Variants in NAV3 observed in about 807,000 individuals in gnomAD.
NAV3 encodes pore membrane and/or filament interacting like protein 1.
In NAV3, 87 loss-of-function variants were observed where a neutral mutation model predicts 244.7. That is an observed-to-expected ratio of 0.36 (90% CI 0.30 to 0.42). The LOEUF is 0.42. Among genes scored for constraint, NAV3 ranks in the 20% least tolerant of loss-of-function variants. The pLI, the probability that NAV3 is intolerant of heterozygous loss-of-function variation, is 1.00. For synonymous variants in NAV3, 1,126 were observed against 1,042.2 expected, an observed-to-expected ratio of 1.08 and a Z score of -1.55; for missense variants, 2,663 against 2,893.3, an observed-to-expected ratio of 0.92 and a Z score of 1.83.
In NAV3 at chr12:78,063,564, T is replaced by C. The variant is rs868279229; in HGVS notation, c.2636+4449T>C. On this transcript the variant is annotated intron_variant, in intron 12 of 39. Coordinates refer to ENST00000397909, the MANE Select transcript of NAV3 (RefSeq NM_001024383.2). Reference sequence around the variant, plus strand: ...TGGGTAAAAATAAAACAAAACAGTATGGGTGAAAGTTCCTCAGTTTAATGG... The same window carrying C: ...TGGGTAAAAATAAAACAAAACAGTACGGGTGAAAGTTCCTCAGTTTAATGG... Among the ~76,000 whole-genome samples, 7 of 152,252 alleles carry C rather than the reference T, an allele frequency of 4.6e-5. No individual in the cohort carries two copies. In the Middle Eastern group the frequency reaches 0.014, roughly 296 times the overall value.
chr12:77,859,758 CAA>C (rs61516625), intron 1 of NAV3, among the ~76,000 whole-genome samples: 742 of 68,718 alleles, frequency 0.011, 5 homozygotes, highest in African/African-American at 0.033. Context: ...CTTTCAAATG[CAA>C]AAAAAAAAAA....
chr12:77,613,659 GTGTT>G (rs1332787176), intron 2 of NAV3, among the ~76,000 whole-genome samples: 2 of 152,110 alleles, frequency 1.3e-5, no homozygotes, highest in African/African-American at 4.8e-5. Flanking sequence ...ATTGTTCTCA[GTGTT>G]TGTGGGTGAG....
intron 2 of NAV3, among the ~76,000 whole-genome samples, chr12:77,662,169 C>T (rs147489464): frequency 1.3e-5 from 2 of 151,930 alleles, no homozygotes; most frequent in South Asian, 2.1e-4. Flanking sequence ...AGTCTTGAAT[C>T]GATTAAAATC....
At chr12:78,076,376 T>A (rs534592222) in intron 12 of NAV3, among the ~76,000 whole-genome samples, 2 of 152,266 alleles carry the variant, frequency 1.3e-5, no homozygotes, top group African/African-American at 4.8e-5. Context: ...TGTGCGCTAG[T>A]TGTGTGTCAA....
At chr12:77,797,008 C>T (rs1871440669) in intron 2 of NAV3, among the ~76,000 whole-genome samples, 1 of 152,016 alleles carries the variant, frequency 6.6e-6, no homozygotes, top group South Asian at 2.1e-4. Context: ...TGAGGTATGC[C>T]TATATCTGGA....
chr12:77,991,925 G>C (rs1453840376), intron 5 of NAV3, among the ~76,000 whole-genome samples: 2 of 152,024 alleles, frequency 1.3e-5, no homozygotes, highest in African/African-American at 4.8e-5. Context: ...CAGCTACTTG[G>C]GAGGCTGAGG....
chr12:78,103,150 T>C (rs576534699), intron 12 of NAV3, among the ~76,000 whole-genome samples: 2 of 152,324 alleles, frequency 1.3e-5, no homozygotes, highest in Admixed American at 1.3e-4. Context: ...TAAAATGCGA[T>C]GCTCTAACAA....
chr12:78,084,228 C>T (rs1429186696), intron 12 of NAV3, among the ~76,000 whole-genome samples: 1 of 152,178 alleles, frequency 6.6e-6, no homozygotes, highest in Non-Finnish European at 1.5e-5. Context: ...AGCATGTTTA[C>T]AGCTTCCCTG....
chr12:78,006,826 C>T lies in NAV3; in HGVS notation c.1288C>T (p.Leu430=), dbSNP rs2136572578. Residue 430 remains leucine, a synonymous_variant, in exon 8 of 40, where the codon CTG becomes TTG. Transcript: ENST00000397909. ...SGEMEGFNSG[L]NSGGSTNSSP... Reference sequence around the variant, plus strand: ...TGAAATGGAAGGTTTTAACAGTGGTCTGAATAGTGGTGGCTCAACAAATAG... The same window carrying T: ...TGAAATGGAAGGTTTTAACAGTGGTTTGAATAGTGGTGGCTCAACAAATAG... 1 of 1,614,118 alleles carries T rather than the reference C, an allele frequency of 6.2e-7. No individual in the cohort carries two copies. The highest frequency in any genetic ancestry group is 1.3e-5 in the African/African-American group (1 of 75,020).
intron 5 of NAV3, among the ~76,000 whole-genome samples, chr12:77,993,298 C>A (rs999744663): frequency 2.0e-5 from 3 of 152,136 alleles, no homozygotes; most frequent in African/African-American, 7.2e-5. Context: ...GTAAACAGTT[C>A]TCTTACTCTT....
intron 12 of NAV3, among the ~76,000 whole-genome samples, chr12:78,096,262 A>G (rs1262227806): frequency 6.6e-6 from 1 of 152,190 alleles, no homozygotes; most frequent in Non-Finnish European, 1.5e-5. Flanking sequence ...ATCATAACCT[A>G]TGCTACAAAC....
intron 9 of NAV3, among the ~76,000 whole-genome samples, chr12:78,043,857 A>G (rs1048691693): frequency 2.6e-5 from 4 of 152,184 alleles, no homozygotes; most frequent in Admixed American, 2.0e-4. Flanking sequence ...TAGATTGCAA[A>G]AATTGTCTCC....
rs563424241 is a variant in NAV3, at chr12:78,118,254, G to A, written c.2997G>A (p.Ala999=). 1.4e-5 allele frequency: 22 copies of A among 1,611,742 alleles called. No individual in the cohort carries two copies. The African/African-American group carries it at 2.3e-4, about 17-fold the overall frequency. Reference sequence around the variant, plus strand: ...GAGGCATGTCTGCCCAAGGAGGGGCGCCATCTAGGCAGAAAGCTGGAACAA... The same window carrying A: ...GAGGCATGTCTGCCCAAGGAGGGGCACCATCTAGGCAGAAAGCTGGAACAA... ...WRRGMSAQGG[A]PSRQKAGTSA... Residue 999 remains alanine (A), a synonymous_variant, in exon 14 of 40, where the codon GCG becomes GCA. Transcript: ENST00000397909.
chr12:77,849,735 T>C (rs1877212266), intron 1 of NAV3, among the ~76,000 whole-genome samples: 1 of 152,136 alleles, frequency 6.6e-6, no homozygotes, highest in African/African-American at 2.4e-5. Context: ...TAAGAAATGC[T>C]CAATCTATAT....
chr12:78,139,404 T>C (rs1391537824), intron 19 of NAV3, among the ~76,000 whole-genome samples: 1 of 152,178 alleles, frequency 6.6e-6, no homozygotes. Context: ...TTTTAAATTA[T>C]TATCTTCTCT....
chr12:77,645,481 G>T (rs1038932583), intron 2 of NAV3, among the ~76,000 whole-genome samples: 1 of 144,126 alleles, frequency 6.9e-6, no homozygotes, highest in East Asian at 2.0e-4. Context: ...AGTCAAGTAG[G>T]CAGTTTGAGC....
intron 24 of NAV3, 47 bp downstream of exon 24, chr12:78,168,913 A>G: frequency 8.1e-7 from 1 of 1,232,164 alleles, no homozygotes; most frequent in Non-Finnish European, 1.2e-6. Context: ...ATAGACATCT[A>G]TTTTATTTAT....
chr12:77,741,148 C>CA, intron 2 of NAV3, among the ~76,000 whole-genome samples: 4,773 of 68,628 alleles, frequency 0.07, 340 homozygotes, highest in African/African-American at 0.2. Flanking sequence ...AAAAAAAAGA[C>CA]AAAAAAAAAA....
intron 1 of NAV3, among the ~76,000 whole-genome samples, chr12:77,875,791 G>A (rs929512200): frequency 2.4e-4 from 37 of 151,926 alleles, no homozygotes; most frequent in South Asian, 6.2e-4. Context: ...GTCTCCACTC[G>A]TGTTCTTGTT....
Sources: gnomAD v4.1 joint callset for allele counts (sites outside exome capture counted in the v4.1 genomes callset) on GRCh38, gnomAD v4.1.1 for gene constraint, MANE v1.5 for transcripts, NCBI Gene and HGNC (gene_info 2026-07-23, HGNC 2026-07-21) for gene names.